Variants in AOX1 observed in about 807,000 individuals in gnomAD.
AOX1 encodes the protein aldehyde oxidase 1, also known as aldehyde oxidase.
In AOX1, 153 loss-of-function variants were observed where a neutral mutation model predicts 169.5. That is an observed-to-expected ratio of 0.90 (90% CI 0.79 to 1.03). AOX1 has a LOEUF of 1.03. Among genes scored for constraint, AOX1 ranks in the 50% least tolerant of loss-of-function variants. The pLI is 0.00. For synonymous variants in AOX1, 562 were observed against 581.9 expected, an observed-to-expected ratio of 0.97 and a Z score of 0.49; for missense variants, 1,656 against 1,663.9, an observed-to-expected ratio of 1.00 and a Z score of 0.08.
chr2:200,672,013 G>T (rs2036036553), downstream of AOX1, among the ~76,000 whole-genome samples: 1 of 152,102 alleles, frequency 6.6e-6, no homozygotes, highest in Non-Finnish European at 1.5e-5. Flanking sequence ...GATGAACCTT[G>T]AAAACATTGT....
rs1285773000 is a variant in AOX1, at chr2:200,636,834, T to C, written c.2347-77T>C. ...TTTTTTGTTGTTGTTGTTAAAATCA[T>C]AGATGTGACAATGACAGTCACAATT... On this transcript the variant is annotated intron_variant, in intron 21 of 34. Transcript: ENST00000374700. 1.5e-5 allele frequency: 23 copies of C among 1,517,812 alleles called. No individual in the cohort carries two copies. In the South Asian group the frequency reaches 1.8e-4, roughly 12 times the overall value. 94.0% of individuals were successfully genotyped at this position (1,517,812 alleles called of 1,614,324 possible). A position where few individuals can be genotyped will look rare whatever the true frequency, so the allele number is the denominator to read the frequency against.
At chr2:200,678,406 A>G (rs1180817244), downstream of AOX1, 5 of 152,202 alleles carry the variant, frequency 3.3e-5, no homozygotes, top group African/African-American at 1.2e-4. Context: ...GTTGTGTTAC[A>G]ATGCAAATTC....
chr2:200,637,391 T>C (rs1424816458), intron 22 of AOX1, among the ~76,000 whole-genome samples: 1 of 152,174 alleles, frequency 6.6e-6, no homozygotes. Flanking sequence ...TGTACCTATA[T>C]ATACATACAC....
In AOX1 at chr2:200,661,639, C is replaced by T; in HGVS notation, c.3428+8C>T. On this transcript the variant is annotated splice_region_variant and intron_variant, in intron 30 of 34. Transcript: ENST00000374700. ...AGCTGTTGGATACTTCAGGTAAATA[C>T]TCCCTCTGATCACATGCTATGGAGA... 5.0e-6 allele frequency: 8 copies of T among 1,602,958 alleles called. No homozygotes were observed. The highest frequency in any genetic ancestry group is 6.8e-6 in the Non-Finnish European group (8 of 1,170,014).
At position 200,603,331 on chromosome 2, in the gene AOX1, T is replaced by G. The variant is rs1180021086; in HGVS notation, c.563T>G (p.Leu188Trp). The G allele has an allele frequency of 6.2e-7, 1 of 1,613,942 alleles. No individual in the cohort carries two copies. The highest frequency in any genetic ancestry group is 8.5e-7 in the Non-Finnish European group (1 of 1,179,868). The change falls in exon 7 of 35, where the codon TTG becomes TGG. Residue 188 changes from leucine (L) to tryptophan (W), a missense_variant. Physicochemically the swap from Leu to Trp is moderately conservative, Grantham distance 61. Transcript: ENST00000374700. ...VCCLDQGING[L>W]PEFEEGSKTS... ...TGTTTGGATCAAGGAATCAATGGAT[T>G]GCCAGAATTTGAGGAAGGAAGTAAG...
chr2:200,655,965 G>T (rs1421750458), intron 26 of AOX1, among the ~76,000 whole-genome samples: 2 of 152,102 alleles, frequency 1.3e-5, no homozygotes, highest in African/African-American at 4.8e-5. Context: ...GTTGACATTG[G>T]CTTATTACCA....
At chr2:200,645,692 T>A (rs2035440169) in intron 25 of AOX1, among the ~76,000 whole-genome samples, 2 of 152,172 alleles carry the variant, frequency 1.3e-5, no homozygotes, top group Admixed American at 6.5e-5. Flanking sequence ...TGTGAATCCT[T>A]CTGGTCCTGG....
intron 25 of AOX1, 100 bp downstream of exon 25, chr2:200,642,901 C>T (rs1370093471): frequency 3.3e-6 from 4 of 1,205,218 alleles, no homozygotes; most frequent in South Asian, 1.5e-5. Context: ...CCCAGAGGGG[C>T]AAATGATTTG....
In AOX1 at chr2:200,586,050, G is replaced by T. The variant is rs537369749; in HGVS notation, c.-59G>T. 2.9e-5 allele frequency: 44 copies of T among 1,542,272 alleles called. No individual in the cohort carries two copies. The African/African-American group carries it at 4.8e-4, about 17-fold the overall frequency. On this transcript the variant is annotated 5_prime_UTR_variant, in exon 1 of 35. Coordinates refer to ENST00000374700, the MANE Select transcript of AOX1 (RefSeq NM_001159.4). Reference sequence around the variant, plus strand: ...CGGTGCCGCCGGGTCCCAGGTGCCCGCTACTTCCCAGAACCTCCGCCTCCC... The same window carrying T: ...CGGTGCCGCCGGGTCCCAGGTGCCCTCTACTTCCCAGAACCTCCGCCTCCC...
At position 200,586,031 on chromosome 2, in the gene AOX1, C is replaced by A; in HGVS notation, c.-78C>A. The A allele has an allele frequency of 6.6e-7, 1 of 1,516,712 alleles. No individual in the cohort carries two copies. Among genetic ancestry groups the A allele is most frequent in the South Asian group, 1.2e-5 (1 of 83,218 alleles). The allele number at this position is 1,516,712 out of a possible 1,614,324, so 94.0% of individuals were successfully genotyped here. On this transcript the variant is annotated 5_prime_UTR_variant, in exon 1 of 35. Transcript: ENST00000374700. ...CCCGCCCCACTCGGCGGGTCGGTGC[C>A]GCCGGGTCCCAGGTGCCCGCTACTT...
rs2035278349 is a variant in AOX1, at chr2:200,638,222, C to T, written c.2488C>T (p.Arg830Cys). ...VTAFAANKHG[R>C]AVRCVLERGE... Reference sequence around the variant, plus strand: ...ACTTTTTTTCTGTTTTAGACATGGCCGTGCAGTTCGCTGTGTTCTGGAACG... The same window carrying T: ...ACTTTTTTTCTGTTTTAGACATGGCTGTGCAGTTCGCTGTGTTCTGGAACG... Residue 830 changes from arginine (R) to cysteine (C), a missense_variant, in exon 23 of 35, where the codon CGT (arginine) becomes TGT (cysteine). Arg to Cys is a radical substitution (Grantham distance 180, BLOSUM62 -3). Coordinates refer to ENST00000374700, the MANE Select transcript of AOX1 (RefSeq NM_001159.4). 6.2e-6 allele frequency: 10 copies of T among 1,613,326 alleles called. No individual in the cohort carries two copies. Among genetic ancestry groups the T allele is most frequent in the East Asian group, 2.2e-5 (1 of 44,858 alleles).
chr2:200,634,997 G>A (rs1401325796), intron 21 of AOX1, 82 bp downstream of exon 21: 1 of 1,545,270 alleles, frequency 6.5e-7, no homozygotes, highest in Non-Finnish European at 8.8e-7. Context: ...AGAGGTAAAA[G>A]TATATTTGGG....
chr2:200,587,316 C>T (rs2034059600), intron 1 of AOX1, among the ~76,000 whole-genome samples: 1 of 152,096 alleles, frequency 6.6e-6, no homozygotes, highest in Admixed American at 6.5e-5. Flanking sequence ...GAGCTAACAA[C>T]CAAGCAAGAG....
intron 23 of AOX1, among the ~76,000 whole-genome samples, chr2:200,638,665 GTTATGTGAAATTGCAA>G (rs573470362): frequency 1.3e-3 from 195 of 152,222 alleles, no homozygotes; most frequent in Middle Eastern, 6.8e-3. Flanking sequence ...TAACAGTAGT[GTTATGTGAAATTGCAA>G]TTATTTGTAA....
chr2:200,609,186 C>T lies in AOX1; in HGVS notation c.1059+51C>T. The T allele has an allele frequency of 1.9e-6, 3 of 1,602,972 alleles. No individual in the cohort carries two copies. The South Asian group carries it at 3.3e-5, about 18-fold the overall frequency. The stretch of plus-strand genomic sequence containing the variant: ...TGGTATGCATCCCTTGGGTGACTCT[C>T]CCTGATGAATCATGACATTTTCATT... On this transcript the variant is annotated intron_variant, in intron 11 of 34. Coordinates refer to ENST00000374700, the MANE Select transcript of AOX1 (RefSeq NM_001159.4).
At chr2:200,590,779 G>A (rs759942672) in intron 1 of AOX1, among the ~76,000 whole-genome samples, 1 of 152,054 alleles carries the variant, frequency 6.6e-6, no homozygotes, top group Non-Finnish European at 1.5e-5. Context: ...CCATTAAAAC[G>A]GGGCTTCTAT....
downstream of AOX1, chr2:200,679,250 CTTTT>C (rs2036133719): frequency 1.3e-5 from 2 of 151,994 alleles, no homozygotes; most frequent in African/African-American, 4.8e-5. Context: ...TTTTCTTTTT[CTTTT>C]TTAACACTGC....
chr2:200,642,757 T>C lies in AOX1; in HGVS notation c.2803T>C (p.Cys935Arg). The C allele has an allele frequency of 6.2e-7, 1 of 1,613,924 alleles. No homozygotes were observed. Among genetic ancestry groups the C allele is most frequent in the East Asian group, 2.2e-5 (1 of 44,882 alleles). Residue 935 changes from cysteine (C) to arginine (R), a missense_variant, in exon 25 of 35, where the codon TGT becomes CGT. Transcript: ENST00000374700. ...FPQAALITES[C>R]ITEVAAKCGL... ...TCAGGCAGCGCTGATCACCGAATCT[T>C]GTATCACGGAAGTTGCAGCCAAATG...
At position 200,604,755 on chromosome 2, in the gene AOX1, G is replaced by T. The variant is rs769030186; in HGVS notation, c.729G>T (p.Trp243Cys). ...TRVFGSERMMWFSPVTLKELL... is the reference protein window; with the variant it reads ...TRVFGSERMMCFSPVTLKELL... Reference sequence around the variant, plus strand: ...TGTTTGGCAGTGAGAGAATGATGTGGTTTTCCCCCGTGACCCTGAAGGAAC... The same window carrying T: ...TGTTTGGCAGTGAGAGAATGATGTGTTTTTCCCCCGTGACCCTGAAGGAAC... The change falls in exon 9 of 35, where the codon TGG becomes TGT. Residue 243 changes from tryptophan to cysteine, a missense_variant. Coordinates refer to ENST00000374700, the MANE Select transcript of AOX1 (RefSeq NM_001159.4). 6.2e-7 allele frequency: 1 copy of T among 1,614,026 alleles called. No homozygotes were observed. Among genetic ancestry groups the T allele is most frequent in the East Asian group, 2.2e-5 (1 of 44,868 alleles).
Sources: allele counts gnomAD v4.1 joint callset (sites outside exome capture counted in the v4.1 genomes callset), GRCh38; gene constraint gnomAD v4.1.1; transcripts MANE v1.5; gene names NCBI Gene and HGNC (gene_info 2026-07-23, HGNC 2026-07-21).